The following SORCS1 variants were observed in gnomAD, a reference collection of about 807,000 sequenced individuals.
SORCS1 encodes the protein VPS10 domain-containing receptor SorCS1.
SORCS1 carries 60 observed loss-of-function variants against 146.1 expected under a neutral mutation model. The observed-to-expected ratio is 0.41, with a 90% confidence interval of 0.33 to 0.51. SORCS1 has a LOEUF of 0.51. Ranked by LOEUF, SORCS1 falls within the 20% of genes least tolerant of loss-of-function variation. The pLI is 0.21. For synonymous variants in SORCS1, 637 were observed against 584.0 expected (o/e 1.09, Z -1.31); for missense variants, 1,352 against 1,487.6 (o/e 0.91, Z 1.50).
At chr10:107,173,479 T>C in the SORCS1 span, among the ~76,000 whole-genome samples, 156 of 152,284 alleles carry the variant, frequency 1.0e-3, no homozygotes, top group Non-Finnish European at 2.0e-3. Flanking sequence ...TATTTATATA[T>C]ACATTAAAAC....
At chr10:106,949,106 C>T (rs183158141) in intron 2 of SORCS1, among the ~76,000 whole-genome samples, 37 of 152,314 alleles carry the variant, frequency 2.4e-4, no homozygotes, top group African/African-American at 8.2e-4. Flanking sequence ...CCTGCCTGAA[C>T]GCTTGACTAG....
In SORCS1 at chr10:107,135,451, T is replaced by A. The variant is rs77879435; in HGVS notation, c.558+28518A>T. Among the ~76,000 whole-genome samples, 1,067 of 152,190 alleles carry A rather than the reference T, an allele frequency of 7.0e-3. 15 individuals carry two copies. Among genetic ancestry groups the A allele is most frequent in the Non-Finnish European group, 9.5e-3 (649 of 68,014 alleles). ...AGAATTCCCCTCAACAAAGAAAAAA[T>A]ATACCCAGACAATTATGTCACCAAA... On this transcript the variant is annotated intron_variant, in intron 1 of 25. Coordinates refer to ENST00000263054, the MANE Select transcript of SORCS1 (RefSeq NM_052918.5).
intron 2 of SORCS1, among the ~76,000 whole-genome samples, chr10:106,889,819 A>G (rs1951154351): frequency 7.0e-6 from 1 of 143,420 alleles, no homozygotes; most frequent in African/African-American, 2.7e-5. Flanking sequence ...CGGGAGGCGG[A>G]GCTTGCAGTG....
At chr10:106,983,086 TTCC>T (rs1221429751) in intron 1 of SORCS1, among the ~76,000 whole-genome samples, 3 of 149,586 alleles carry the variant, frequency 2.0e-5, no homozygotes, top group African/African-American at 4.9e-5. Context: ...TACAGTTTAT[TTCC>T]TCATTATCTC....
intron 17 of SORCS1, among the ~76,000 whole-genome samples, chr10:106,653,135 G>C (rs1850005357): frequency 6.6e-6 from 1 of 152,160 alleles, no homozygotes; most frequent in African/African-American, 2.4e-5. Flanking sequence ...ACATTAAAGA[G>C]ACTTCAGTTT....
intron 3 of SORCS1, among the ~76,000 whole-genome samples, chr10:106,820,460 AAAG>A (rs1289463114): frequency 6.6e-6 from 1 of 152,228 alleles, no homozygotes; most frequent in Admixed American, 6.5e-5. Flanking sequence ...AAAACCATCA[AAAG>A]AAGATCTGGT....
chr10:106,943,287 A>G (rs1184704859), intron 2 of SORCS1, among the ~76,000 whole-genome samples: 1 of 152,116 alleles, frequency 6.6e-6, no homozygotes, highest in East Asian at 1.9e-4. Flanking sequence ...TCCTCCTCAG[A>G]CTTCTGTATG....
At chr10:106,653,393 T>C (rs1029485290) in intron 17 of SORCS1, among the ~76,000 whole-genome samples, 7 of 152,222 alleles carry the variant, frequency 4.6e-5, no homozygotes, top group Non-Finnish European at 1.0e-4. Flanking sequence ...CTAGAGTTAG[T>C]GGTAGAGCCC....
rs1192225143 is a variant in SORCS1 at position 107,052,734 on chromosome 10, TTCTGC to T, written c.559-96159_559-96155del. Among the ~76,000 whole-genome samples the T allele has an allele frequency of 1.1e-4, 16 of 152,324 alleles. No individual in the cohort carries two copies. The East Asian group carries it at 2.9e-3, about 28-fold the overall frequency. ...TCTCATATATCTCCATGAATTCTTA[TTCTGC>T]TACCTGTCAACTTCTGTTCTATAAT... On this transcript the variant is annotated intron_variant, in intron 1 of 25. Transcript: ENST00000263054.
chr10:106,706,769 A>C lies in SORCS1; in HGVS notation c.1144-135T>G. 3.9e-6 allele frequency: 3 copies of C among 761,546 alleles called. No individual in the cohort carries two copies. In the East Asian group the frequency reaches 8.1e-5, roughly 21 times the overall value. The allele number at this position is 761,546 out of a possible 1,614,324, so 47.2% of individuals were successfully genotyped here. On this transcript the variant is annotated intron_variant, in intron 7 of 25. Transcript: ENST00000263054. ...TAATGTCTATTGCGGACAAGTGTAA[A>C]GAATTGGCCTTCAGTTCAAACACAA...
intron 4 of SORCS1, among the ~76,000 whole-genome samples, chr10:106,765,971 C>G (rs112501633): frequency 2.0e-5 from 3 of 152,224 alleles, no homozygotes; most frequent in African/African-American, 7.2e-5. Flanking sequence ...ATTTGTGCTA[C>G]GAGAATTCCA....
rs541454931 is a variant in SORCS1, at chr10:106,725,483, G to A, written c.1024+4567C>T. Among the ~76,000 whole-genome samples the A allele has an allele frequency of 3.3e-5, 5 of 150,548 alleles. No individual in the cohort carries two copies. In the South Asian group the frequency reaches 6.3e-4, roughly 19 times the overall value. On this transcript the variant is annotated intron_variant, in intron 6 of 25. Coordinates refer to ENST00000263054, the MANE Select transcript of SORCS1 (RefSeq NM_052918.5). ...GGAGAATCACTTGAACCCAGGAGGC[G>A]GAGGTTGCAGTGAGCTGAGATCGCG...
intron 18 of SORCS1, among the ~76,000 whole-genome samples, chr10:106,633,972 C>T (rs1385257116): frequency 2.0e-5 from 3 of 152,152 alleles, no homozygotes; most frequent in Admixed American, 2.0e-4. Context: ...TTCTTGTGGT[C>T]GGATACATCT....
intron 6 of SORCS1, among the ~76,000 whole-genome samples, chr10:106,717,419 A>G (rs1481222406): frequency 6.6e-6 from 1 of 152,246 alleles, no homozygotes; most frequent in Non-Finnish European, 1.5e-5. Context: ...TGGTTCCAGA[A>G]AGTCTACACA....
chr10:106,743,314 T>A (rs1857488788), intron 5 of SORCS1, among the ~76,000 whole-genome samples: 1 of 152,152 alleles, frequency 6.6e-6, no homozygotes, highest in African/African-American at 2.4e-5. Flanking sequence ...TCGCTATGAC[T>A]ATTCCACAGG....
intron 4 of SORCS1, among the ~76,000 whole-genome samples, chr10:106,767,483 ATATT>A (rs1010278919): frequency 5.9e-5 from 9 of 151,894 alleles, no homozygotes; most frequent in Non-Finnish European, 5.9e-5. Context: ...AGATTCTTAT[ATATT>A]TATTTATTTA....
intron 1 of SORCS1, among the ~76,000 whole-genome samples, chr10:107,138,636 G>C (rs1257175146): frequency 1.3e-5 from 2 of 152,058 alleles, no homozygotes; most frequent in African/African-American, 4.8e-5. Flanking sequence ...TCTTCTTTCA[G>C]GCTTAGAAAT....
intron 2 of SORCS1, among the ~76,000 whole-genome samples, chr10:106,923,112 A>G (rs1952801882): frequency 6.6e-6 from 1 of 152,016 alleles, no homozygotes; most frequent in Non-Finnish European, 1.5e-5. Context: ...GATGGTCTCG[A>G]TCTCTTGACC....
the SORCS1 span, among the ~76,000 whole-genome samples, chr10:107,173,463 T>C: frequency 9.9e-4 from 150 of 152,260 alleles, no homozygotes; most frequent in Non-Finnish European, 1.7e-3. Flanking sequence ...TTAGTAAAGA[T>C]TTCACTATTT....
Sources: allele counts gnomAD v4.1 joint callset (sites outside exome capture counted in the v4.1 genomes callset), GRCh38; gene constraint gnomAD v4.1.1; transcripts MANE v1.5; gene names NCBI Gene and HGNC (gene_info 2026-07-23, HGNC 2026-07-21).